NCOA2: variants seen among roughly 807,000 people sequenced by gnomAD.
NCOA2 encodes the protein nuclear receptor coactivator 2.
A neutral mutation model predicts 145.1 loss-of-function variants in NCOA2; 21 were observed. The ratio of observed to expected loss-of-function variants is 0.14; its 90% CI spans 0.10 to 0.21. The LOEUF is 0.21. Ranked by LOEUF, NCOA2 falls within the 10% of genes least tolerant of loss-of-function variation. NCOA2 has a pLI of 1.00. For missense variants in NCOA2, 1,472 were observed against 1,837.6 expected (o/e 0.80, Z 3.64); for synonymous variants, 619 against 637.5 (o/e 0.97, Z 0.44).
At chr8:70,322,381 C>T (rs945882916) in intron 1 of NCOA2, among the ~76,000 whole-genome samples, 2 of 152,110 alleles carry the variant, frequency 1.3e-5, no homozygotes, top group Non-Finnish European at 1.5e-5. Flanking sequence ...TGCTGTAACA[C>T]ATATATTCAC....
chr8:70,235,032 C>G (rs1157624892), intron 2 of NCOA2, among the ~76,000 whole-genome samples: 1 of 152,140 alleles, frequency 6.6e-6, no homozygotes, highest in Non-Finnish European at 1.5e-5. Flanking sequence ...ATGCTCTAAG[C>G]AGCATAATAG....
chr8:70,379,052 T>G (rs1307811793), intron 1 of NCOA2, among the ~76,000 whole-genome samples: 1 of 152,144 alleles, frequency 6.6e-6, no homozygotes. Flanking sequence ...AGTTAAAGGA[T>G]AAGGGTAGAA....
chr8:70,298,935 C>A (rs1289310945), intron 1 of NCOA2, among the ~76,000 whole-genome samples: 1 of 152,124 alleles, frequency 6.6e-6, no homozygotes, highest in African/African-American at 2.4e-5. Context: ...GTGGCAGGCG[C>A]CTGTAGTTCC....
chr8:70,170,482 CAGAT>C lies in NCOA2; in HGVS notation c.364-107_364-104del. 3.9e-6 allele frequency: 4 copies of C among 1,013,102 alleles called. No homozygotes were observed. The South Asian group carries it at 7.7e-5, about 20-fold the overall frequency. 62.8% of individuals were successfully genotyped at this position (1,013,102 alleles called of 1,614,324 possible). A position where few individuals can be genotyped will look rare whatever the true frequency, so the allele number is the denominator to read the frequency against. On this transcript the variant is annotated intron_variant, in intron 5 of 22. Coordinates refer to ENST00000452400, the MANE Select transcript of NCOA2 (RefSeq NM_006540.4). The stretch of plus-strand genomic sequence containing the variant: ...CTTTCAAGGAAACACAATTCACACA[CAGAT>C]AGAAAAGAGATCTTTCTCAGCCCTC...
At chr8:70,294,408 T>G (rs531889927) in intron 2 of NCOA2, among the ~76,000 whole-genome samples, 2 of 152,134 alleles carry the variant, frequency 1.3e-5, no homozygotes, top group African/African-American at 4.8e-5. Flanking sequence ...CATATCATGT[T>G]TACAACAGAA....
chr8:70,238,980 A>G (rs1170950657), intron 2 of NCOA2, among the ~76,000 whole-genome samples: 3 of 152,176 alleles, frequency 2.0e-5, no homozygotes, highest in Non-Finnish European at 4.4e-5. Flanking sequence ...TGTGTCTCAC[A>G]GTAGTTGGGT....
At chr8:70,292,290 C>CTTG (rs1353549230) in intron 2 of NCOA2, among the ~76,000 whole-genome samples, 2 of 151,716 alleles carry the variant, frequency 1.3e-5, no homozygotes, top group Non-Finnish European at 2.9e-5. Context: ...GTAGCTGGGA[C>CTTG]TACAGGCACA....
Position 70,401,740 on chromosome 8 carries a change from T to C in NCOA2, c.-77+1960A>G, listed in dbSNP as rs549485594. 4 of 152,370 alleles carry C rather than the reference T, an allele frequency of 2.6e-5. No homozygotes were observed. In the East Asian group the frequency reaches 7.7e-4, roughly 29 times the overall value. 9.4% of individuals were successfully genotyped at this position (152,370 alleles called of 1,614,324 possible). ...CTTTCAAATTTCATTGTCCCCATTCTGGCATAGCTGAGTGAAACCGAGATA... is the reference window on the plus strand; with the variant it reads ...CTTTCAAATTTCATTGTCCCCATTCCGGCATAGCTGAGTGAAACCGAGATA... On this transcript the variant is annotated intron_variant, in intron 1 of 22. Transcript: ENST00000452400.
chr8:70,443,959 G>GCACACACGCGTGCTTGCACACA, the NCOA2 span, among the ~76,000 whole-genome samples: 2 of 151,998 alleles, frequency 1.3e-5, no homozygotes, highest in Admixed American at 6.5e-5. Flanking sequence ...AACTAAGCAT[G>GCACACACGCGTGCTTGCACACA]CACACACGCG....
At chr8:70,214,134 T>A (rs1466361831) in intron 3 of NCOA2, 59 bp from the exon 4 acceptor site, 6 of 1,494,914 alleles carry the variant, frequency 4.0e-6, no homozygotes, top group African/African-American at 1.4e-5. Flanking sequence ...GTGAAAAAAA[T>A]GAACGTGTTA....
intron 22 of NCOA2, among the ~76,000 whole-genome samples, chr8:70,116,435 C>T (rs143243317): frequency 1.8e-4 from 27 of 151,976 alleles, no homozygotes; most frequent in African/African-American, 6.0e-4. Context: ...GCCTGTAATC[C>T]AGCTACTTGG....
At chr8:70,428,916 A>T in the NCOA2 span, among the ~76,000 whole-genome samples, 1 of 152,032 alleles carries the variant, frequency 6.6e-6, no homozygotes, top group East Asian at 1.9e-4. Flanking sequence ...TCAGCTACTT[A>T]CTGTGGGAAA....
intron 4 of NCOA2, among the ~76,000 whole-genome samples, chr8:70,208,980 G>A (rs951632732): frequency 2.0e-5 from 3 of 152,224 alleles, no homozygotes; most frequent in African/African-American, 7.2e-5. Flanking sequence ...GCCACAGGCA[G>A]TGATTCTTCT....
chr8:70,302,014 C>CT (rs901740238), intron 1 of NCOA2, among the ~76,000 whole-genome samples: 10 of 151,838 alleles, frequency 6.6e-5, no homozygotes, highest in East Asian at 1.9e-4. Context: ...TTATTTTTCC[C>CT]TTTTTTTTGC....
intron 1 of NCOA2, among the ~76,000 whole-genome samples, chr8:70,394,772 G>A (rs867275929): frequency 9.9e-5 from 15 of 152,040 alleles, no homozygotes; most frequent in Admixed American, 4.6e-4. Flanking sequence ...TCCTTAAACA[G>A]GGAAAAAATA....
intron 13 of NCOA2, among the ~76,000 whole-genome samples, chr8:70,143,043 G>A (rs1377847904): frequency 6.6e-6 from 1 of 151,286 alleles, no homozygotes; most frequent in Admixed American, 6.6e-5. Flanking sequence ...TCCGCCTCCT[G>A]GGTTCAAGTG....
intron 1 of NCOA2, among the ~76,000 whole-genome samples, chr8:70,366,073 G>A (rs1275709099): frequency 6.6e-6 from 1 of 152,190 alleles, no homozygotes; most frequent in Non-Finnish European, 1.5e-5. Context: ...CCATGAGCAT[G>A]TGCTTCTCTT....
At chr8:70,152,745 T>C (rs1274214399) in intron 11 of NCOA2, among the ~76,000 whole-genome samples, 2 of 152,236 alleles carry the variant, frequency 1.3e-5, no homozygotes, top group Admixed American at 6.5e-5. Flanking sequence ...CGGTAAAAAA[T>C]GCTATTTTGG....
intron 1 of NCOA2, among the ~76,000 whole-genome samples, chr8:70,351,403 T>C (rs971556446): frequency 6.6e-6 from 1 of 152,160 alleles, no homozygotes; most frequent in African/African-American, 2.4e-5. Flanking sequence ...TTCTATTCTT[T>C]AAAGTTTTGT....
Sources: gnomAD v4.1 joint callset for allele counts (sites outside exome capture counted in the v4.1 genomes callset) on GRCh38, gnomAD v4.1.1 for gene constraint, MANE v1.5 for transcripts, NCBI Gene and HGNC (gene_info 2026-07-23, HGNC 2026-07-21) for gene names.